DIAPH3: variants seen among roughly 807,000 people sequenced by gnomAD.
DIAPH3 encodes the protein diaphanous related formin 3.
In DIAPH3, 117 loss-of-function variants were observed where a neutral mutation model predicts 144.3. The ratio of observed to expected loss-of-function variants is 0.81; its 90% CI spans 0.70 to 0.95. The LOEUF is 0.95. Among genes scored for constraint, DIAPH3 ranks in the 40% least tolerant of loss-of-function variants. The pLI is 0.00. For missense variants in DIAPH3, 1,421 were observed against 1,412.7 expected, an observed-to-expected ratio of 1.01 and a Z score of -0.09; for synonymous variants, 519 against 488.9, an observed-to-expected ratio of 1.06 and a Z score of -0.81.
At chr13:59,863,584 C>T (rs17057423) in intron 21 of DIAPH3, among the ~76,000 whole-genome samples, 12,517 of 152,020 alleles carry the variant, frequency 0.082, 587 homozygotes, top group East Asian at 0.14. Flanking sequence ...ATCATAGAGC[C>T]GGGAACAGTG....
At chr13:59,684,310 A>C (rs892019439) in intron 27 of DIAPH3, among the ~76,000 whole-genome samples, 3 of 152,178 alleles carry the variant, frequency 2.0e-5, no homozygotes, top group Admixed American at 6.5e-5. Context: ...TGTTTGTTCT[A>C]TGGATTTACA....
intron 20 of DIAPH3, among the ~76,000 whole-genome samples, chr13:59,882,321 C>A (rs889185911): frequency 5.9e-5 from 9 of 152,098 alleles, no homozygotes; most frequent in Non-Finnish European, 1.3e-4. Flanking sequence ...AACTTCTGAC[C>A]TCAAGTGATC....
intron 27 of DIAPH3, among the ~76,000 whole-genome samples, chr13:59,717,841 AAC>A: frequency 6.6e-6 from 1 of 151,870 alleles, no homozygotes; most frequent in East Asian, 1.9e-4. Flanking sequence ...ACCAAACCAA[AAC>A]CAAACCAAAC....
At chr13:59,756,910 T>C (rs1354500104) in intron 27 of DIAPH3, among the ~76,000 whole-genome samples, 1 of 152,148 alleles carries the variant, frequency 6.6e-6, no homozygotes, top group Non-Finnish European at 1.5e-5. Context: ...TAATAATAAT[T>C]TATCCTAATA....
intron 27 of DIAPH3, among the ~76,000 whole-genome samples, chr13:59,670,852 G>A (rs1195210030): frequency 6.6e-6 from 1 of 152,082 alleles, no homozygotes; most frequent in Non-Finnish European, 1.5e-5. Context: ...CAAAAGTGCT[G>A]GGATTTCAGG....
chr13:59,692,137 CTTTTT>C (rs56205887), intron 27 of DIAPH3, among the ~76,000 whole-genome samples: 10,193 of 58,390 alleles, frequency 0.17, 368 homozygotes, highest in South Asian at 0.32. Context: ...TTGAGAAATT[CTTTTT>C]TTTTTTTTTT....
intron 20 of DIAPH3, 109 bp from the exon 21 acceptor site, chr13:59,879,577 G>A: frequency 6.9e-7 from 1 of 1,452,860 alleles, no homozygotes; most frequent in South Asian, 1.2e-5. Flanking sequence ...TACCAAAGAA[G>A]AAATATGTCT....
intron 17 of DIAPH3, among the ~76,000 whole-genome samples, chr13:59,935,953 C>T (rs1353854885): frequency 3.3e-5 from 5 of 152,100 alleles, no homozygotes; most frequent in African/African-American, 9.7e-5. Context: ...AAAAATGTAG[C>T]AGATAAATGC....
In DIAPH3 at chr13:59,861,734, C is replaced by T. The variant is rs139607271; in HGVS notation, c.2608-198G>A. On this transcript the variant is annotated intron_variant, in intron 21 of 27. Coordinates refer to ENST00000400324, the MANE Select transcript of DIAPH3 (RefSeq NM_001042517.2). ...CTGCTTGGTGAAAATCATTATTTGT[C>T]GCAAAAAAGGAATAAGTTTAATCGA... Among the ~76,000 whole-genome samples, 604 of 151,652 alleles carry T rather than the reference C, an allele frequency of 4.0e-3. 5 individuals carry two copies. The highest frequency in any genetic ancestry group is 0.014 in the African/African-American group (583 of 41,352).
intron 4 of DIAPH3, among the ~76,000 whole-genome samples, chr13:60,056,451 CAT>C (rs2056562828): frequency 6.6e-6 from 1 of 151,684 alleles, no homozygotes; most frequent in African/African-American, 2.4e-5. Context: ...TACATATACA[CAT>C]ATCACATACA....
rs1374011670 is a variant in DIAPH3, at chr13:60,039,020, G to T, written c.626+3670C>A. Among the ~76,000 whole-genome samples, 54 of 151,684 alleles carry T rather than the reference G, an allele frequency of 3.6e-4. 1 individual carries two copies. The highest frequency in any genetic ancestry group is 3.6e-3 in the Admixed American group (54 of 15,200). Reference sequence around the variant, plus strand: ...TGAAGAAATTGGTCTTTTCCCTGGTGTTCAGAACTAGCTCAAAACTGTCAC... The same window carrying T: ...TGAAGAAATTGGTCTTTTCCCTGGTTTTCAGAACTAGCTCAAAACTGTCAC... On this transcript the variant is annotated intron_variant, in intron 5 of 27. Transcript: ENST00000400324.
At chr13:60,073,240 T>A (rs574296177) in intron 4 of DIAPH3, among the ~76,000 whole-genome samples, 14 of 150,744 alleles carry the variant, frequency 9.3e-5, no homozygotes, top group Admixed American at 8.0e-4. Context: ...ACCCAGCAGG[T>A]GGAGGTTGCA....
At chr13:59,929,632 G>A (rs183550784) in intron 17 of DIAPH3, among the ~76,000 whole-genome samples, 17 of 139,656 alleles carry the variant, frequency 1.2e-4, no homozygotes, top group Admixed American at 4.6e-4. Context: ...GTGTGATCTC[G>A]GCTCACTGCA....
intron 20 of DIAPH3, among the ~76,000 whole-genome samples, chr13:59,891,159 T>A (rs2045768970): frequency 1.3e-5 from 2 of 151,962 alleles, no homozygotes; most frequent in Non-Finnish European, 2.9e-5. Context: ...GAAAAATGAT[T>A]CCTAGGCACT....
intron 27 of DIAPH3, among the ~76,000 whole-genome samples, chr13:59,771,843 A>G (rs901080362): frequency 6.6e-6 from 1 of 152,128 alleles, no homozygotes; most frequent in African/African-American, 2.4e-5. Context: ...TATGCATAAA[A>G]TATTCATCAT....
intron 24 of DIAPH3, among the ~76,000 whole-genome samples, chr13:59,816,950 T>A (rs1206811258): frequency 6.6e-6 from 1 of 151,960 alleles, no homozygotes; most frequent in South Asian, 2.1e-4. Flanking sequence ...TGTTCAGGTA[T>A]AACTGTTTTC....
At chr13:60,041,784 T>G (rs2055688109) in intron 5 of DIAPH3, among the ~76,000 whole-genome samples, 1 of 152,174 alleles carries the variant, frequency 6.6e-6, no homozygotes, top group Non-Finnish European at 1.5e-5. Context: ...ACAATCCTTG[T>G]AGCTCTGAAA....
chr13:59,667,051 G>A (rs781612173), intron 27 of DIAPH3, among the ~76,000 whole-genome samples: 10 of 152,138 alleles, frequency 6.6e-5, no homozygotes, highest in Non-Finnish European at 1.2e-4. Flanking sequence ...ACAGCCAACC[G>A]TTTCATTAGC....
intron 17 of DIAPH3, among the ~76,000 whole-genome samples, chr13:59,942,443 G>C (rs551542388): frequency 6.6e-6 from 1 of 152,040 alleles, no homozygotes; most frequent in South Asian, 2.1e-4. Context: ...AATATATAAG[G>C]ATTTCAAAAA....
Sources: gnomAD v4.1 joint callset for allele counts (sites outside exome capture counted in the v4.1 genomes callset) on GRCh38, gnomAD v4.1.1 for gene constraint, MANE v1.5 for transcripts, NCBI Gene and HGNC (gene_info 2026-07-23, HGNC 2026-07-21) for gene names.